The following DORIP1 variants were observed in gnomAD, a reference collection of about 807,000 sequenced individuals.
The protein encoded by DORIP1 is dopamine receptor interacting protein 1.
chr14:44,905,561 A>T, the DORIP1 span: 5 of 1,473,518 alleles, frequency 3.4e-6, no homozygotes, highest in Non-Finnish European at 4.6e-6. Context: ...ATATAGATTG[A>T]TGCTAAAAGT....
the DORIP1 span, chr14:44,903,546 G>A: frequency 1.8e-6 from 2 of 1,083,054 alleles, no homozygotes; most frequent in East Asian, 5.7e-5. Context: ...TTGGTTAACT[G>A]GAACCCAGCT....
At chr14:44,899,688 T>G in the DORIP1 span, among the ~76,000 whole-genome samples, 1 of 152,062 alleles carries the variant, frequency 6.6e-6, no homozygotes. Context: ...ATTATATTAG[T>G]TTCTTAAGTG....
At chr14:44,905,517 A>T in the DORIP1 span, 5 of 1,539,270 alleles carry the variant, frequency 3.2e-6, no homozygotes, top group Non-Finnish European at 4.4e-6. Flanking sequence ...TCCTCTTGTC[A>T]TCATTGGTTT....
chr14:44,903,399 T>C, the DORIP1 span: 1 of 1,485,100 alleles, frequency 6.7e-7, no homozygotes, highest in African/African-American at 1.4e-5. Context: ...ATTAACCTAG[T>C]TTACTATGAC....
chr14:44,898,934 G>C, the DORIP1 span: 20 of 152,292 alleles, frequency 1.3e-4, no homozygotes, highest in East Asian at 3.5e-3. Context: ...TTTATTAAGT[G>C]TTGAGTTCAT....
At chr14:44,905,322 A>G in the DORIP1 span, 1 of 1,271,662 alleles carries the variant, frequency 7.9e-7, no homozygotes, top group Non-Finnish European at 1.1e-6. Flanking sequence ...GTTTATCTTA[A>G]CAAAGTATTA....
At chr14:44,901,094 T>C in the DORIP1 span, 3 of 841,330 alleles carry the variant, frequency 3.6e-6, no homozygotes, top group Non-Finnish European at 5.4e-6. Context: ...TGTAGGATAC[T>C]GTATATTTAG....
the DORIP1 span, chr14:44,900,495 A>G: frequency 6.3e-7 from 1 of 1,577,198 alleles, no homozygotes; most frequent in South Asian, 1.2e-5. Flanking sequence ...ACCAAGATCG[A>G]TCATTTTGTA....
chr14:44,903,511 A>AG, the DORIP1 span: 1 of 1,137,462 alleles, frequency 8.8e-7, no homozygotes, highest in East Asian at 4.4e-5. Flanking sequence ...TTCCCCCCCC[A>AG]CTGCTGAGTA....
At chr14:44,906,802 T>G in the DORIP1 span, 1 of 152,524 alleles carries the variant, frequency 6.6e-6, no homozygotes, top group Non-Finnish European at 1.5e-5. Context: ...AAGTGCTTGG[T>G]GCCATGTTGA....
At chr14:44,900,382 T>C in the DORIP1 span, 3 of 1,369,626 alleles carry the variant, frequency 2.2e-6, no homozygotes, top group Non-Finnish European at 2.9e-6. Context: ...ATTATGCATT[T>C]AATATACAAA....
the DORIP1 span, chr14:44,899,189 A>G: frequency 1.3e-5 from 2 of 152,260 alleles, no homozygotes; most frequent in East Asian, 1.9e-4. Context: ...TGTGCGCTAT[A>G]TAACATACAT....
At chr14:44,900,578 A>G in the DORIP1 span, 1 of 1,611,380 alleles carries the variant, frequency 6.2e-7, no homozygotes, top group Non-Finnish European at 8.5e-7. Flanking sequence ...ACACCACTCT[A>G]TGTTGAAATA....
At chr14:44,901,597 T>C in the DORIP1 span, among the ~76,000 whole-genome samples, 3 of 152,262 alleles carry the variant, frequency 2.0e-5, no homozygotes, top group African/African-American at 7.2e-5. Context: ...TGATTCTTAG[T>C]GTCACAAATG....
At chr14:44,901,130 A>G in the DORIP1 span, among the ~76,000 whole-genome samples, 1 of 152,236 alleles carries the variant, frequency 6.6e-6, no homozygotes, top group Non-Finnish European at 1.5e-5. Context: ...TTAGGTACAC[A>G]AAGACTTACC....
At chr14:44,904,143 C>G in the DORIP1 span, 2 of 985,180 alleles carry the variant, frequency 2.0e-6, no homozygotes, top group Non-Finnish European at 2.4e-6. Context: ...CTTTCATAGG[C>G]TTATACAGAA....
At chr14:44,900,936 T>G in the DORIP1 span, 4 of 1,593,874 alleles carry the variant, frequency 2.5e-6, no homozygotes, top group Non-Finnish European at 3.4e-6. Context: ...TGCAGGAGGA[T>G]CAGCAGCGCA....
the DORIP1 span, chr14:44,905,701 T>G: frequency 2.1e-6 from 1 of 474,196 alleles, no homozygotes; most frequent in South Asian, 7.9e-5. Flanking sequence ...AGGTAAATGT[T>G]TTATATAGAG....
chr14:44,901,041 A>G, the DORIP1 span: 1 of 1,395,222 alleles, frequency 7.2e-7, no homozygotes, highest in South Asian at 1.4e-5. Context: ...GTACCCCATA[A>G]TGACATTTGG....
Sources: allele counts gnomAD v4.1 joint callset (sites outside exome capture counted in the v4.1 genomes callset), GRCh38; gene constraint gnomAD v4.1.1; transcripts MANE v1.5; gene names NCBI Gene and HGNC (gene_info 2026-07-23, HGNC 2026-07-21).